The following COL21A1 variants were observed in gnomAD, a reference collection of about 807,000 sequenced individuals.
The protein encoded by COL21A1 is collagen type XXI alpha 1 chain.
A neutral mutation model predicts 137.9 loss-of-function variants in COL21A1; 149 were observed. That is an observed-to-expected ratio of 1.08 (90% CI 0.95 to 1.24). COL21A1 has a LOEUF of 1.24. Ranked by LOEUF, COL21A1 falls within the 50% of genes most tolerant of loss-of-function variation. COL21A1 has a pLI of 0.00. For synonymous variants in COL21A1, 456 were observed against 391.5 expected (o/e 1.16, Z -1.95); for missense variants, 1,167 against 1,158.4 (o/e 1.01, Z -0.11).
chr6:56,171,765 T>C (rs1473146297), intron 3 of COL21A1, among the ~76,000 whole-genome samples: 1 of 151,894 alleles, frequency 6.6e-6, no homozygotes, highest in Non-Finnish European at 1.5e-5. Flanking sequence ...TATAATTATA[T>C]ATTAATCATA....
chr6:56,385,516 T>C (rs576939955), intron 1 of COL21A1, among the ~76,000 whole-genome samples: 1 of 152,298 alleles, frequency 6.6e-6, no homozygotes, highest in South Asian at 2.1e-4. Context: ...TCTGACTCTT[T>C]TTTTTTAGTC....
rs183659701 is a variant in COL21A1 at position 56,079,630 on chromosome 6, G to A, written c.1813-2057C>T. ...CTGAGACACTCTAATACTGAGCTTG[G>A]TCTGTAGTAGAACATAGCCACAAAT... On this transcript the variant is annotated intron_variant, in intron 17 of 29. Transcript: ENST00000244728. Among the ~76,000 whole-genome samples the A allele has an allele frequency of 3.3e-5, 5 of 151,566 alleles. No individual in the cohort carries two copies. The East Asian group carries it at 7.8e-4, about 24-fold the overall frequency.
chr6:56,118,839 T>G (rs1772182433), intron 16 of COL21A1, among the ~76,000 whole-genome samples: 2 of 152,128 alleles, frequency 1.3e-5, no homozygotes, highest in Admixed American at 1.3e-4. Context: ...TATGATCATT[T>G]CAATTGATGC....
chr6:56,368,514 A>G (rs1457711589), intron 1 of COL21A1, among the ~76,000 whole-genome samples: 1 of 152,250 alleles, frequency 6.6e-6, no homozygotes, highest in Non-Finnish European at 1.5e-5. Flanking sequence ...ATCTCGGTTA[A>G]GAGCACAACA....
chr6:56,285,036 C>T (rs1356581255), intron 1 of COL21A1, among the ~76,000 whole-genome samples: 2 of 152,184 alleles, frequency 1.3e-5, no homozygotes, highest in African/African-American at 2.4e-5. Context: ...ATTTCCCTCC[C>T]TGCACTCTAT....
intron 1 of COL21A1, among the ~76,000 whole-genome samples, chr6:56,313,992 T>C (rs12199059): frequency 0.34 from 51,905 of 151,966 alleles, 9,814 homozygotes; most frequent in East Asian, 0.63. Context: ...AAAGAAGGTA[T>C]ATATATAGAG....
intron 1 of COL21A1, among the ~76,000 whole-genome samples, chr6:56,362,937 T>C (rs1181636033): frequency 6.6e-6 from 1 of 152,158 alleles, no homozygotes; most frequent in African/African-American, 2.4e-5. Flanking sequence ...TTTCCAGGGC[T>C]TATCACAATG....
chr6:56,245,263 T>A (rs1782572051), intron 1 of COL21A1, among the ~76,000 whole-genome samples: 1 of 152,206 alleles, frequency 6.6e-6, no homozygotes, highest in Admixed American at 6.5e-5. Context: ...GCTATTTAAA[T>A]ATGAATGTTA....
At chr6:56,215,352 C>G (rs1780416726) in intron 1 of COL21A1, among the ~76,000 whole-genome samples, 1 of 152,016 alleles carries the variant, frequency 6.6e-6, no homozygotes. Flanking sequence ...CAGCTGTGTT[C>G]TCTTTGGACA....
At chr6:56,103,051 A>C (rs2152171133) in intron 16 of COL21A1, among the ~76,000 whole-genome samples, 1 of 152,322 alleles carries the variant, frequency 6.6e-6, no homozygotes, top group South Asian at 2.1e-4. Context: ...GAAATAATGC[A>C]ATATTTTATC....
chr6:56,086,385 G>T (rs982579887), intron 17 of COL21A1, among the ~76,000 whole-genome samples: 1 of 152,044 alleles, frequency 6.6e-6, no homozygotes, highest in African/African-American at 2.4e-5. Flanking sequence ...CCTAGTTTTG[G>T]CTGAAAGCAT....
At chr6:56,260,231 A>G (rs1023309474) in intron 1 of COL21A1, among the ~76,000 whole-genome samples, 13 of 152,162 alleles carry the variant, frequency 8.5e-5, no homozygotes, top group Non-Finnish European at 1.6e-4. Context: ...ACTCACAAGA[A>G]AGGCTTGGAT....
At chr6:56,312,535 G>A (rs1481781688) in intron 1 of COL21A1, among the ~76,000 whole-genome samples, 1 of 152,112 alleles carries the variant, frequency 6.6e-6, no homozygotes, top group East Asian at 1.9e-4. Context: ...TGTTTGGTTT[G>A]AGATATCTCT....
chr6:56,289,642 T>G (rs1294597749), intron 1 of COL21A1, among the ~76,000 whole-genome samples: 2 of 152,136 alleles, frequency 1.3e-5, no homozygotes, highest in Non-Finnish European at 2.9e-5. Context: ...TGACCCTGTA[T>G]AGCTAGATGC....
At chr6:56,071,940 A>G (rs1766793533) in intron 20 of COL21A1, among the ~76,000 whole-genome samples, 1 of 151,452 alleles carries the variant, frequency 6.6e-6, no homozygotes, top group Admixed American at 6.6e-5. Flanking sequence ...AGCATGCATT[A>G]GCTATTTTTT....
chr6:56,325,940 T>TATTTACATTA (rs1249825826), intron 1 of COL21A1, among the ~76,000 whole-genome samples: 1,399 of 12,604 alleles, frequency 0.11, 189 homozygotes, highest in Non-Finnish European at 0.16. Context: ...ATAATATATA[T>TATTTACATTA]TATATATTAT....
chr6:56,293,969 G>T (rs979402176), intron 1 of COL21A1, among the ~76,000 whole-genome samples: 26 of 152,132 alleles, frequency 1.7e-4, no homozygotes, highest in African/African-American at 6.0e-4. Flanking sequence ...ATTTATCCTG[G>T]TTTATTGCAA....
chr6:56,290,908 T>A (rs543525505), intron 1 of COL21A1, among the ~76,000 whole-genome samples: 1 of 152,138 alleles, frequency 6.6e-6, no homozygotes, highest in South Asian at 2.1e-4. Flanking sequence ...TGCCTAAAGC[T>A]CCCAGGTGAT....
At chr6:56,373,032 T>G (rs1446199632) in intron 1 of COL21A1, among the ~76,000 whole-genome samples, 1 of 151,930 alleles carries the variant, frequency 6.6e-6, no homozygotes, top group East Asian at 1.9e-4. Flanking sequence ...AAAAAGAAAC[T>G]TTGAGGTCTT....
Sources: allele counts gnomAD v4.1 joint callset (sites outside exome capture counted in the v4.1 genomes callset), GRCh38; gene constraint gnomAD v4.1.1; transcripts MANE v1.5; gene names NCBI Gene and HGNC (gene_info 2026-07-23, HGNC 2026-07-21).